Variants in COL4A5 observed in about 807,000 individuals in gnomAD.
COL4A5 encodes collagen type IV alpha 5 chain, also known as collagen alpha-5(IV) chain.
COL4A5 carries 26 observed loss-of-function variants against 130.2 expected under a neutral mutation model. The observed-to-expected ratio is 0.20, with a 90% CI of 0.15 to 0.28. The LOEUF is 0.28. Ranked by LOEUF, COL4A5 falls within the 10% of genes least tolerant of loss-of-function variation. COL4A5 has a pLI of 1.00. For synonymous variants in COL4A5, 496 were observed against 439.6 expected (o/e 1.13, Z -1.60); for missense variants, 1,131 against 1,344.3 (o/e 0.84, Z 2.48).
At chrX:108,510,521 C>G (rs1420026058) in intron 1 of COL4A5, among the ~76,000 whole-genome samples, 1 of 110,089 alleles carries the variant, frequency 9.1e-6, no homozygotes, top group Non-Finnish European at 1.9e-5. Context: ...TTAGAATACC[C>G]TGAAAGTATT....
intron 1 of COL4A5, among the ~76,000 whole-genome samples, chrX:108,454,463 G>A (rs1203704945): frequency 1.8e-5 from 2 of 110,675 alleles, no homozygotes; most frequent in Non-Finnish European, 3.8e-5. Flanking sequence ...TTTTAGTAGA[G>A]GCAGTGTTTC....
intron 6 of COL4A5, 22 bp from the exon 7 acceptor site, chrX:108,571,391 C>T (rs1243225163): frequency 8.6e-7 from 1 of 1,156,791 alleles, no homozygotes; most frequent in Non-Finnish European, 1.2e-6. Context: ...CCTCCATGCT[C>T]TTTATTTTTA....
rs771246086 is a variant in COL4A5 at position 108,666,614 on chromosome X, T to C, written c.3553+20T>C. ...AACCAGGTGCTGTAGTTTTTCATTT[T>C]TCCTATTTTTCTAATTTTCTCTGTG... is the stretch of plus-strand genomic sequence containing the variant. On this transcript the variant is annotated intron_variant, in intron 39 of 52. Transcript: ENST00000328300. 4.9e-5 allele frequency: 56 copies of C among 1,133,532 alleles called. No homozygotes were observed. Among genetic ancestry groups the C allele is most frequent in the Non-Finnish European group, 6.2e-5 (52 of 836,060 alleles). The allele number at this position is 1,133,532 out of a possible 1,213,427, so 93.4% of individuals were successfully genotyped here.
At chrX:108,604,977 A>G (rs966575031) in intron 28 of COL4A5, among the ~76,000 whole-genome samples, 7 of 111,793 alleles carry the variant, frequency 6.3e-5, no homozygotes, top group Non-Finnish European at 1.3e-4. Context: ...CTTGCTCTGG[A>G]TTAGGTTTTT....
chrX:108,448,063 T>TA (rs911348444), intron 1 of COL4A5, among the ~76,000 whole-genome samples: 2 of 112,102 alleles, frequency 1.8e-5, no homozygotes, highest in Non-Finnish European at 3.8e-5. Context: ...TTTGTGCCTT[T>TA]AGCAGCTTCT....
At chrX:108,692,979 C>T in intron 50 of COL4A5, 54 bp downstream of exon 50, 1 of 1,152,507 alleles carries the variant, frequency 8.7e-7, no homozygotes. Flanking sequence ...GTTAGCTAGT[C>T]AGATTTGAGT....
intron 2 of COL4A5, among the ~76,000 whole-genome samples, chrX:108,556,044 G>A (rs1389829102): frequency 8.9e-6 from 1 of 111,778 alleles, no homozygotes; most frequent in East Asian, 2.8e-4. Flanking sequence ...GTAGTAATTC[G>A]AGGGGAGTTA....
At chrX:108,627,292 C>T (rs1407465879) in intron 36 of COL4A5, 23 of 646,366 alleles carry the variant, frequency 3.6e-5, no homozygotes, top group Non-Finnish European at 4.2e-5. Flanking sequence ...AAATCTTCTT[C>T]ATGCCCCATC....
Position 108,626,737 on chromosome X carries a change from G to A in COL4A5, c.3246+388G>A, listed in dbSNP as rs1461704661. The A allele has an allele frequency of 9.2e-6, 8 of 870,969 alleles. No homozygotes were observed. In the East Asian group the frequency reaches 6.3e-4, roughly 68 times the overall value. 71.8% of individuals were successfully genotyped at this position (870,969 alleles called of 1,213,427 possible). A position where few individuals can be genotyped will look rare whatever the true frequency, so the allele number is the denominator to read the frequency against. On this transcript the variant is annotated intron_variant, in intron 36 of 52. Transcript: ENST00000328300. ...AAACAAAGTGACAGTTAATGCTAAT[G>A]TAGTAGTATTCTTAACTGCGTGTCT...
intron 2 of COL4A5, among the ~76,000 whole-genome samples, chrX:108,541,453 A>G (rs2065537914): frequency 1.8e-5 from 2 of 112,343 alleles, no homozygotes; most frequent in Non-Finnish European, 3.8e-5. Context: ...TACACTGGGC[A>G]TATTTGCATT....
chrX:108,601,837 C>A, intron 26 of COL4A5, 48 bp from the exon 27 acceptor site: 5 of 797,776 alleles, frequency 6.3e-6, no homozygotes, highest in Non-Finnish European at 9.3e-6. Flanking sequence ...GCCCTGATGG[C>A]TTCTTTCTTT....
chrX:108,487,397 A>C (rs1163016606), intron 1 of COL4A5, among the ~76,000 whole-genome samples: 8 of 103,836 alleles, frequency 7.7e-5, no homozygotes, highest in Non-Finnish European at 1.3e-4. Context: ...TCTCAAAAAA[A>C]AAAAAAAAAA....
At chrX:108,553,686 T>C (rs2065783734) in intron 2 of COL4A5, among the ~76,000 whole-genome samples, 1 of 112,187 alleles carries the variant, frequency 8.9e-6, no homozygotes, top group Non-Finnish European at 1.9e-5. Context: ...TTTCATAAAA[T>C]GTTAAACACC....
At chrX:108,589,396 A>G (rs1221466533) in intron 19 of COL4A5, among the ~76,000 whole-genome samples, 1 of 111,015 alleles carries the variant, frequency 9.0e-6, no homozygotes, top group East Asian at 2.8e-4. Flanking sequence ...ATCTGGGTAA[A>G]TAGAAAATAA....
Position 108,597,576 on chromosome X carries a change from G to A in COL4A5, c.1779+8G>A, listed in dbSNP as rs768020957. On this transcript the variant is annotated splice_region_variant and intron_variant, in intron 24 of 52. Transcript: ENST00000328300. ...GGCCCGAAAGGAGAGCCTGTGAGTTGGTTTGATATTTTTGGTTTTGTGATG... is the reference window on the plus strand; with the variant it reads ...GGCCCGAAAGGAGAGCCTGTGAGTTAGTTTGATATTTTTGGTTTTGTGATG... 1 of 1,202,471 alleles carries A rather than the reference G, an allele frequency of 8.3e-7. No individual in the cohort carries two copies. The highest frequency in any genetic ancestry group is 1.8e-5 in the African/African-American group (1 of 56,626).
At chrX:108,680,395 G>A (rs765275057) in intron 44 of COL4A5, among the ~76,000 whole-genome samples, 1 of 111,328 alleles carries the variant, frequency 9.0e-6, no homozygotes, top group Admixed American at 9.6e-5. Context: ...TGTCAGCCAG[G>A]GGTATATTTT....
intron 41 of COL4A5, among the ~76,000 whole-genome samples, chrX:108,669,183 A>G (rs1241353343): frequency 9.0e-6 from 1 of 111,627 alleles, no homozygotes; most frequent in Non-Finnish European, 1.9e-5. Flanking sequence ...TCATTTTACT[A>G]ATTTTGGAAA....
chrX:108,607,179 C>A (rs977572588), intron 29 of COL4A5, among the ~76,000 whole-genome samples: 6 of 109,571 alleles, frequency 5.5e-5, no homozygotes, highest in Non-Finnish European at 7.6e-5. Flanking sequence ...CCATCCTGGC[C>A]AACATGGCGA....
At chrX:108,605,227 C>T (rs1294240458) in intron 28 of COL4A5, among the ~76,000 whole-genome samples, 1 of 111,992 alleles carries the variant, frequency 8.9e-6, no homozygotes, top group African/African-American at 3.2e-5. Context: ...TTAATTATTT[C>T]CAGCTTTTGA....
Sources: gnomAD v4.1 joint callset for allele counts (sites outside exome capture counted in the v4.1 genomes callset) on GRCh38, gnomAD v4.1.1 for gene constraint, MANE v1.5 for transcripts, NCBI Gene and HGNC (gene_info 2026-07-23, HGNC 2026-07-21) for gene names.